PARD3B: variants seen among roughly 807,000 people sequenced by gnomAD.
PARD3B encodes partitioning defective 3 homolog B.
In PARD3B, 103 loss-of-function variants were observed where a neutral mutation model predicts 130.2. That is an observed-to-expected ratio of 0.79 (90% CI 0.67 to 0.93). The LOEUF (loss-of-function observed/expected upper bound fraction) is 0.93, where lower values mean the gene tolerates loss of function less well. PARD3B is among the 40% of genes least tolerant of loss of function. The probability of loss-of-function intolerance (pLI) is 0.00; values close to 1 mark genes in which losing one functional copy is unlikely to be tolerated. For synonymous variants in PARD3B, 583 were observed against 553.2 expected, an observed-to-expected ratio of 1.05 and a Z score of -0.76; for missense variants, 1,609 against 1,499.2, an observed-to-expected ratio of 1.07 and a Z score of -1.21.
chr2:204,619,122 C>T (rs985053388), intron 1 of PARD3B, among the ~76,000 whole-genome samples: 4 of 151,976 alleles, frequency 2.6e-5, no homozygotes, highest in Non-Finnish European at 4.4e-5. Context: ...CTTTTTAGTC[C>T]GTTGTGCTAG....
intron 18 of PARD3B, 124 bp from the exon 19 acceptor site, chr2:205,400,889 A>G (rs1401792842): frequency 1.8e-5 from 12 of 659,932 alleles, no homozygotes; most frequent in Non-Finnish European, 3.1e-5. Flanking sequence ...ATTTTATGCA[A>G]AATGATCTTG....
chr2:204,740,045 C>T (rs191721041), intron 2 of PARD3B, among the ~76,000 whole-genome samples: 1 of 151,640 alleles, frequency 6.6e-6, no homozygotes, highest in East Asian at 1.9e-4. Context: ...CTCAGTCACT[C>T]TCTCATCACC....
rs2054296851 is a variant in PARD3B at position 205,589,152 on chromosome 2, T to C, written c.3261-26304T>C. On this transcript the variant is annotated intron_variant, in intron 22 of 22. Transcript: ENST00000406610. The surrounding 1 kb of genome is among the most constrained non-coding windows in gnomAD (Gnocchi z 4.1). ...AAAATACAGATATTAACTGAGCATA[T>C]TGGTGCATGTCTGTGGTCTCAGCTA... is the stretch of plus-strand genomic sequence containing the variant. Among the ~76,000 whole-genome samples the C allele has an allele frequency of 1.3e-5, 2 of 152,144 alleles. No homozygotes were observed. The highest frequency in any genetic ancestry group is 2.4e-5 in the African/African-American group (1 of 41,424).
chr2:205,498,553 G>T (rs1391005502), intron 20 of PARD3B, among the ~76,000 whole-genome samples: 1 of 152,076 alleles, frequency 6.6e-6, no homozygotes, highest in African/African-American at 2.4e-5. Context: ...ATTCGAATTT[G>T]CTTTGTAAAT....
At chr2:204,798,001 A>G (rs2125492928) in intron 2 of PARD3B, among the ~76,000 whole-genome samples, 1 of 152,372 alleles carries the variant, frequency 6.6e-6, no homozygotes, top group South Asian at 2.1e-4. Context: ...ATTGTGGAAT[A>G]GAATCCTTCA....
At chr2:205,296,017 C>T (rs778555421) in intron 16 of PARD3B, among the ~76,000 whole-genome samples, 7 of 152,052 alleles carry the variant, frequency 4.6e-5, no homozygotes, top group Non-Finnish European at 1.0e-4. Context: ...GTTTGTAGAA[C>T]GCATGATCAT....
Position 204,677,062 on chromosome 2 carries a change from C to T in PARD3B, c.121-9119C>T, listed in dbSNP as rs1273476460. Among the ~76,000 whole-genome samples, 1 of 152,164 alleles carries T rather than the reference C, an allele frequency of 6.6e-6. No homozygotes were observed. Among genetic ancestry groups the T allele is most frequent in the Non-Finnish European group, 1.5e-5 (1 of 68,042 alleles). On this transcript the variant is annotated intron_variant, in intron 1 of 22. Transcript: ENST00000406610. This position sits in a 1 kb window ranked among gnomAD's most constrained non-coding sequence, Gnocchi z 4.1. Reference sequence around the variant, plus strand: ...TAGAACAGCACAGAAAAAGCCAAATCTCTCTTTTATGTGGAAGGCTTTTAG... The same window carrying T: ...TAGAACAGCACAGAAAAAGCCAAATTTCTCTTTTATGTGGAAGGCTTTTAG...
chr2:204,650,290 T>A lies in PARD3B; in HGVS notation c.121-35891T>A, dbSNP rs111738128. On this transcript the variant is annotated intron_variant, in intron 1 of 22. Transcript: ENST00000406610. ...GTGGAAAAAAGGGAACACTTACACATTATTGGTGGGACTGTAAACTGGTTC... is the reference window on the plus strand; with the variant it reads ...GTGGAAAAAAGGGAACACTTACACAATATTGGTGGGACTGTAAACTGGTTC... Among the ~76,000 whole-genome samples, 1,259 of 152,220 alleles carry A rather than the reference T, an allele frequency of 8.3e-3. 25 individuals are homozygous for A. The highest frequency in any genetic ancestry group is 0.029 in the African/African-American group (1,186 of 41,536).
At position 204,890,105 on chromosome 2, in the gene PARD3B, G is replaced by A. The variant is rs2046394453; in HGVS notation, c.223-75047G>A. On this transcript the variant is annotated intron_variant, in intron 2 of 22. Coordinates refer to ENST00000406610, the MANE Select transcript of PARD3B (RefSeq NM_001302769.2). The surrounding 1 kb of genome is among the most constrained non-coding windows in gnomAD (Gnocchi z 4.9). ...TGCAACTGGATGCAGAATTTACCAT[G>A]TCTGCTTTGCCTTCTCCGCCTTCTC... Among the ~76,000 whole-genome samples, 1 of 152,168 alleles carries A rather than the reference G, an allele frequency of 6.6e-6. No individual in the cohort carries two copies. Among genetic ancestry groups the A allele is most frequent in the Admixed American group, 6.5e-5 (1 of 15,284 alleles).
intron 2 of PARD3B, among the ~76,000 whole-genome samples, chr2:204,923,202 C>T (rs926763403): frequency 4.0e-5 from 6 of 151,766 alleles, no homozygotes; most frequent in Non-Finnish European, 8.8e-5. Flanking sequence ...TATCCAGTAG[C>T]CAGTTAAGTG....
At chr2:204,559,201 TTAAAC>T (rs2125052799) in intron 1 of PARD3B, among the ~76,000 whole-genome samples, 1 of 152,222 alleles carries the variant, frequency 6.6e-6, no homozygotes, top group African/African-American at 2.4e-5. Context: ...TGGGATCTAA[TTAAAC>T]TAAAGAGCTT....
At chr2:205,046,002 T>C (rs949578230) in intron 3 of PARD3B, among the ~76,000 whole-genome samples, 1 of 152,172 alleles carries the variant, frequency 6.6e-6, no homozygotes, top group South Asian at 2.1e-4. Context: ...ACTGGCCTGA[T>C]TAAATGCTTG....
chr2:205,098,702 C>T (rs945333736), intron 4 of PARD3B, among the ~76,000 whole-genome samples: 2 of 152,112 alleles, frequency 1.3e-5, no homozygotes, highest in South Asian at 2.1e-4. Context: ...ACCTTAATCA[C>T]CCCTGGAGAG....
At chr2:205,576,350 G>C (rs1399579696) in intron 22 of PARD3B, among the ~76,000 whole-genome samples, 1 of 147,488 alleles carries the variant, frequency 6.8e-6, no homozygotes, top group Non-Finnish European at 1.5e-5. Flanking sequence ...TGACTTTGAT[G>C]TATCTAAAAA....
chr2:204,609,674 T>C (rs958525440), intron 1 of PARD3B, among the ~76,000 whole-genome samples: 1 of 152,146 alleles, frequency 6.6e-6, no homozygotes, highest in Non-Finnish European at 1.5e-5. Context: ...GGGAGTTATA[T>C]AGTCCAGTGT....
In PARD3B at chr2:204,791,330, A is replaced by T. The variant is rs972638516; in HGVS notation, c.222+105048A>T. Reference sequence around the variant, plus strand: ...TAGAATTGTTTCATAATATCACTTTATGTAGTATTGTTTCCTATTGATATC... The same window carrying T: ...TAGAATTGTTTCATAATATCACTTTTTGTAGTATTGTTTCCTATTGATATC... On this transcript the variant is annotated intron_variant, in intron 2 of 22. Transcript: ENST00000406610. Among the ~76,000 whole-genome samples the T allele has an allele frequency of 2.0e-5, 3 of 152,162 alleles. 1 individual carries two copies. Among genetic ancestry groups the T allele is most frequent in the Non-Finnish European group, 4.4e-5 (3 of 68,032 alleles).
rs2042297343 is a variant in PARD3B at position 205,309,383 on chromosome 2, A to G, written c.2630+7682A>G. On this transcript the variant is annotated intron_variant, in intron 18 of 22. Coordinates refer to ENST00000406610, the MANE Select transcript of PARD3B (RefSeq NM_001302769.2). The surrounding 1 kb of genome is among the most constrained non-coding windows in gnomAD (Gnocchi z 4.7). The stretch of plus-strand genomic sequence containing the variant: ...GTGGAGCATCAGACAAAGCTAAATC[A>G]TGAACCCTTGAGGCAAAGGTATTTT... 6.6e-6 allele frequency among the ~76,000 whole-genome samples: 1 copy of G among 152,218 alleles called. No individual in the cohort carries two copies. Among genetic ancestry groups the G allele is most frequent in the African/African-American group, 2.4e-5 (1 of 41,452 alleles).
chr2:205,420,506 T>G (rs1178506418), intron 19 of PARD3B, among the ~76,000 whole-genome samples: 1 of 152,206 alleles, frequency 6.6e-6, no homozygotes, highest in African/African-American at 2.4e-5. Context: ...TTTCCATTTC[T>G]GAAATAGCAG....
chr2:205,372,884 T>A (rs2044879717), intron 18 of PARD3B, among the ~76,000 whole-genome samples: 1 of 152,072 alleles, frequency 6.6e-6, no homozygotes, highest in African/African-American at 2.4e-5. Context: ...GAGGCTGAGG[T>A]GGGAGGATCA....
Sources: allele counts gnomAD v4.1 joint callset (sites outside exome capture counted in the v4.1 genomes callset), GRCh38; gene constraint gnomAD v4.1.1; non-coding constraint Gnocchi (gnomAD v3.1); transcripts MANE v1.5; gene names NCBI Gene and HGNC (gene_info 2026-07-23, HGNC 2026-07-21).